Variants in PALM observed in about 807,000 individuals in gnomAD.
The protein encoded by PALM is paralemmin-1.
In PALM, 18 loss-of-function variants were observed where a neutral mutation model predicts 30.7. The ratio of observed to expected loss-of-function variants is 0.59; its 90% CI spans 0.41 to 0.87. The LOEUF (loss-of-function observed/expected upper bound fraction) is 0.87, where lower values mean the gene tolerates loss of function less well. Ranked by LOEUF, PALM falls within the 40% of genes least tolerant of loss-of-function variation. The pLI, the probability that PALM is intolerant of heterozygous loss-of-function variation, is 0.00. For missense variants in PALM, 529 were observed against 555.4 expected (o/e 0.95, Z 0.48); for synonymous variants, 286 against 242.8 (o/e 1.18, Z -1.66).
chr19:714,251 G>A (rs1599134054), intron 1 of PALM, among the ~76,000 whole-genome samples: 1 of 150,230 alleles, frequency 6.7e-6, no homozygotes, highest in Admixed American at 6.6e-5. Flanking sequence ...TGTTGGCCAG[G>A]CTGGTCTTGA....
chr19:726,985 A>AGGCCCCCC, intron 2 of PALM, 23 bp from the exon 3 acceptor site: 3 of 945,366 alleles, frequency 3.2e-6, no homozygotes, highest in Non-Finnish European at 3.2e-6. Context: ...CCCATCCCTG[A>AGGCCCCCC]CCCCACCCGG....
chr19:743,068 G>A (rs1189915497), intron 8 of PALM, among the ~76,000 whole-genome samples: 1 of 152,136 alleles, frequency 6.6e-6, no homozygotes. Flanking sequence ...CCATTCTCGT[G>A]GCTGTCCTGG....
chr19:718,996 C>G, intron 1 of PALM: 1 of 274,960 alleles, frequency 3.6e-6, no homozygotes, highest in Non-Finnish European at 5.5e-6. Flanking sequence ...TCCCCTGCTG[C>G]CCCCGCACCC....
intron 1 of PALM, among the ~76,000 whole-genome samples, chr19:721,979 C>T (rs1265393383): frequency 1.3e-5 from 2 of 151,714 alleles, no homozygotes; most frequent in Non-Finnish European, 2.9e-5. Context: ...AGTGCAGTGG[C>T]GCAATCTCGG....
At chr19:710,909 C>T (rs1284389903) in intron 1 of PALM, among the ~76,000 whole-genome samples, 1 of 152,220 alleles carries the variant, frequency 6.6e-6, no homozygotes, top group Non-Finnish European at 1.5e-5. Context: ...CTGGTGCCGC[C>T]CGGCCTTGGA....
chr19:720,858 C>T (rs903401918), intron 1 of PALM, among the ~76,000 whole-genome samples: 3 of 152,198 alleles, frequency 2.0e-5, no homozygotes, highest in African/African-American at 7.2e-5. Context: ...CGGGTGGGGA[C>T]CTGGGCAGTC....
At chr19:727,857 C>T in intron 4 of PALM, 163 bp downstream of exon 4, 1 of 683,594 alleles carries the variant, frequency 1.5e-6, no homozygotes, top group Non-Finnish European at 2.4e-6. Flanking sequence ...CAGGACGGGA[C>T]AGATCAGGTT....
chr19:721,625 T>G (rs2032486046), intron 1 of PALM, among the ~76,000 whole-genome samples: 1 of 151,822 alleles, frequency 6.6e-6, no homozygotes, highest in Non-Finnish European at 1.5e-5. Flanking sequence ...GAGACAGAGT[T>G]TCTCTCTTGT....
chr19:716,880 A>G lies in PALM; in HGVS notation c.5+7729A>G, dbSNP rs117569493. Among the ~76,000 whole-genome samples the G allele has an allele frequency of 3.0e-3, 461 of 152,198 alleles. 16 individuals carry two copies. The East Asian group carries it at 0.064, about 21-fold the overall frequency. On this transcript the variant is annotated intron_variant, in intron 1 of 8. Transcript: ENST00000338448. ...TTAAAATACATTTCACACGCTACAC[A>G]GTCTGGCTGCTTAAAGTGTACAGCT...
In PALM at chr19:746,401, G is replaced by A. The variant is rs752319684; in HGVS notation, c.751G>A (p.Ala251Thr). ...EVTLSEAGST[A>T]GAAETRGAVE... is the part of the protein sequence containing the mutation. ...CACGCTGAGCGAGGCAGGGTCCACG[G>A]CCGGGGCGGCAGAGACCCGGGGGGC... The change falls in exon 9 of 9, where the codon GCC becomes ACC. Residue 251 changes from alanine to threonine, a missense_variant. Ala to Thr is a moderately conservative substitution (Grantham distance 58, BLOSUM62 0). Coordinates refer to ENST00000338448, the MANE Select transcript of PALM (RefSeq NM_002579.3). The surrounding 1 kb of genome is among the most constrained non-coding windows in gnomAD (Gnocchi z 7.1). The A allele has an allele frequency of 1.9e-6, 3 of 1,612,476 alleles. No individual in the cohort carries two copies. Among genetic ancestry groups the A allele is most frequent in the Non-Finnish European group, 2.5e-6 (3 of 1,179,614 alleles).
At chr19:741,654 C>A (rs373658601) in intron 8 of PALM, among the ~76,000 whole-genome samples, 2 of 151,880 alleles carry the variant, frequency 1.3e-5, no homozygotes, top group African/African-American at 4.8e-5. Flanking sequence ...GGCAGGGGGA[C>A]AGGCGGGGCC....
chr19:727,378 T>A (rs879192425), intron 3 of PALM, among the ~76,000 whole-genome samples, 186 bp from the exon 4 acceptor site: 1 of 149,488 alleles, frequency 6.7e-6, no homozygotes, highest in South Asian at 2.1e-4. Flanking sequence ...ACCTTGACTC[T>A]GACCCAGACC....
intron 4 of PALM, among the ~76,000 whole-genome samples, chr19:729,005 A>G (rs901725362): frequency 2.0e-5 from 3 of 151,716 alleles, no homozygotes; most frequent in Admixed American, 1.3e-4. Flanking sequence ...CTGGGTCTCA[A>G]AAAATAAATA....
chr19:733,531 C>T (rs539571425), intron 5 of PALM, among the ~76,000 whole-genome samples: 13 of 152,246 alleles, frequency 8.5e-5, no homozygotes, highest in African/African-American at 2.4e-4. Context: ...TTCAGACAGG[C>T]GACACTAGAC....
intron 4 of PALM, among the ~76,000 whole-genome samples, chr19:728,506 G>A (rs777696062): frequency 2.6e-5 from 4 of 152,172 alleles, no homozygotes; most frequent in South Asian, 2.1e-4. Flanking sequence ...TCCTGGGCAG[G>A]GCGTGTAAAG....
intron 1 of PALM, 109 bp from the exon 2 acceptor site, chr19:726,029 C>T (rs952534379): frequency 8.4e-6 from 7 of 836,566 alleles, no homozygotes; most frequent in Middle Eastern, 2.3e-4. Flanking sequence ...GAGATGAAAT[C>T]CCTTGCCCTG....
At position 731,258 on chromosome 19, in the gene PALM, C is replaced by T; in HGVS notation, c.420+13C>T. ...GAATTCACAGCAGGTAAGGGGGTGA[C>T]TGGGGGGAGCGGATCCCCAGGCACC... On this transcript the variant is annotated intron_variant, in intron 5 of 8. Coordinates refer to ENST00000338448, the MANE Select transcript of PALM (RefSeq NM_002579.3). 6.3e-7 allele frequency: 1 copy of T among 1,588,678 alleles called. No individual in the cohort carries two copies. The highest frequency in any genetic ancestry group is 8.6e-7 in the Non-Finnish European group (1 of 1,168,414).
In PALM at chr19:746,694, C is replaced by T. The variant is rs562223354; in HGVS notation, c.1044C>T (p.Ala348=). The part of the protein sequence containing the change: ...KEPAPPNGSA[A]EPPTEAASRE... The stretch of plus-strand genomic sequence containing the variant: ...CTGCACCACCCAACGGCAGTGCTGC[C>T]GAGCCTCCCACGGAGGCCGCCTCCA... The change falls in exon 9 of 9, where the codon GCC becomes GCT. Residue 348 remains alanine (A), a synonymous_variant. Coordinates refer to ENST00000338448, the MANE Select transcript of PALM (RefSeq NM_002579.3). This position sits in a 1 kb window ranked among gnomAD's most constrained non-coding sequence, Gnocchi z 7.1. 1.1e-5 allele frequency: 17 copies of T among 1,609,660 alleles called. No individual in the cohort carries two copies. Among genetic ancestry groups the T allele is most frequent in the East Asian group, 2.2e-5 (1 of 44,742 alleles).
chr19:739,375 T>G (rs1292616361), intron 7 of PALM, among the ~76,000 whole-genome samples: 2 of 152,126 alleles, frequency 1.3e-5, no homozygotes, highest in Non-Finnish European at 2.9e-5. Flanking sequence ...GGGATTCACC[T>G]GCTCCTCTGA....
Sources: gnomAD v4.1 joint callset for allele counts (sites outside exome capture counted in the v4.1 genomes callset) on GRCh38, gnomAD v4.1.1 for gene constraint, Gnocchi (gnomAD v3.1) non-coding constraint, MANE v1.5 for transcripts, NCBI Gene and HGNC (gene_info 2026-07-23, HGNC 2026-07-21) for gene names.